The following LINC00632 variants were observed in gnomAD, a reference collection of about 807,000 sequenced individuals.
The protein encoded by LINC00632 is ALDOA related specific transcript.
At chrX:140,727,345 G>A (rs926925132) in intron 2 of LINC00632, among the ~76,000 whole-genome samples, 8 of 111,937 alleles carry the variant, frequency 7.1e-5, no homozygotes, top group African/African-American at 2.6e-4. Context: ...AGGCCGGAGC[G>A]CAGTGGCGTG....
intron 3 of LINC00632, among the ~76,000 whole-genome samples, chrX:140,760,258 C>T (rs1289242201): frequency 9.0e-6 from 1 of 111,689 alleles, no homozygotes; most frequent in African/African-American, 3.3e-5. Context: ...AATGTGACTG[C>T]CACGCCCATG....
At chrX:140,735,412 T>C (rs1931127953) in intron 3 of LINC00632, among the ~76,000 whole-genome samples, 1 of 111,738 alleles carries the variant, frequency 8.9e-6, no homozygotes, top group Non-Finnish European at 1.9e-5. Flanking sequence ...TAAAATGGCT[T>C]TCCCCAAATT....
chrX:140,767,206 G>A (rs1409628560), intron 3 of LINC00632, among the ~76,000 whole-genome samples: 1 of 111,083 alleles, frequency 9.0e-6, no homozygotes, highest in African/African-American at 3.3e-5. Flanking sequence ...ATAAATGTGT[G>A]ACCTCAGACA....
chrX:140,747,529 CA>C (rs376796176), intron 3 of LINC00632, among the ~76,000 whole-genome samples: 5,625 of 63,147 alleles, frequency 0.089, 445 homozygotes, highest in African/African-American at 0.29. Context: ...AAACTCCATC[CA>C]AAAAAAAAAA....
rs771538958 is a variant in LINC00632 at position 140,788,531 on chromosome X, CAT to C, written n.16551_16552del. ...TGCTCTCGAAATGTTCTATTTTGAA[CAT>C]GTGTTATTTTCAAAATTAAAATATA... On this transcript the variant is annotated non_coding_transcript_exon_variant, in exon 5 of 5. Coordinates refer to ENST00000648200, the Ensembl canonical transcript of LINC00632. Among the ~76,000 whole-genome samples, 543 of 109,293 alleles carry C rather than the reference CAT, an allele frequency of 5.0e-3. 1 individual carries two copies. Among genetic ancestry groups the C allele is most frequent in the Middle Eastern group, 0.024 (5 of 209 alleles). The allele number at this position is 109,293 out of a possible 115,157, so 94.9% of individuals were successfully genotyped here.
chrX:140,738,988 A>C (rs1931185808), intron 3 of LINC00632, among the ~76,000 whole-genome samples: 1 of 111,541 alleles, frequency 9.0e-6, no homozygotes, highest in Non-Finnish European at 1.9e-5. Context: ...GCCTTTTACT[A>C]GTTTTTGGGT....
At chrX:140,753,565 T>A (rs146755285) in intron 3 of LINC00632, among the ~76,000 whole-genome samples, 1,497 of 110,350 alleles carry the variant, frequency 0.014, 24 homozygotes, top group African/African-American at 0.046. Context: ...TTCCAAGACT[T>A]CTTCTGAAAA....
chrX:140,777,882 C>T (rs1196346092), exon 5 of LINC00632, among the ~76,000 whole-genome samples: 4 of 112,030 alleles, frequency 3.6e-5, no homozygotes, highest in Non-Finnish European at 7.5e-5. Flanking sequence ...TAAACTTTTT[C>T]ATAGAGACCA....
At chrX:140,766,914 CTT>C (rs772045349) in intron 3 of LINC00632, among the ~76,000 whole-genome samples, 1 of 93,651 alleles carries the variant, frequency 1.1e-5, no homozygotes, top group Admixed American at 1.2e-4. Context: ...ATTGTAGAAA[CTT>C]AGACTCACAT....
intron 1 of LINC00632, chrX:140,711,605 G>T: frequency 3.2e-6 from 1 of 314,562 alleles, no homozygotes; most frequent in Admixed American, 3.7e-5. Context: ...GTGCTTTTCT[G>T]GTTTTTTCTC....
At chrX:140,757,764 A>G (rs906940246) in intron 3 of LINC00632, among the ~76,000 whole-genome samples, 17 of 111,064 alleles carry the variant, frequency 1.5e-4, no homozygotes, top group Non-Finnish European at 3.8e-5. Context: ...ACAGGGTTTC[A>G]CCATATGGGC....
intron 3 of LINC00632, among the ~76,000 whole-genome samples, chrX:140,754,731 A>G (rs1333891563): frequency 9.1e-6 from 1 of 109,964 alleles, no homozygotes; most frequent in African/African-American, 3.3e-5. Flanking sequence ...TGGACTCCTA[A>G]TATATTGAAG....
At chrX:140,715,487 C>T (rs1025520515) in intron 2 of LINC00632, among the ~76,000 whole-genome samples, 49 of 109,807 alleles carry the variant, frequency 4.5e-4, no homozygotes, top group African/African-American at 1.5e-3. Flanking sequence ...CCCAGCTACT[C>T]GGGAGGCTGA....
exon 5 of LINC00632, chrX:140,784,745 C>T (rs1931991823): frequency 1.1e-5 from 2 of 190,277 alleles, no homozygotes; most frequent in Non-Finnish European, 2.1e-5. Context: ...CTGTCTGAGC[C>T]TTCCCATGTT....
At chrX:140,710,576 A>G (rs1200843912) in intron 1 of LINC00632, among the ~76,000 whole-genome samples, 1 of 110,163 alleles carries the variant, frequency 9.1e-6, no homozygotes, top group African/African-American at 3.3e-5. Context: ...TTATCAACGA[A>G]GCTTTAATGT....
chrX:140,776,543 C>T (rs1490963895), exon 5 of LINC00632, among the ~76,000 whole-genome samples: 2 of 112,995 alleles, frequency 1.8e-5, no homozygotes, highest in Admixed American at 9.3e-5. Flanking sequence ...CCCAAGCCCG[C>T]GCGTGACCAC....
chrX:140,785,528 C>T (rs1437061985), exon 5 of LINC00632, among the ~76,000 whole-genome samples: 3 of 112,136 alleles, frequency 2.7e-5, no homozygotes, highest in Non-Finnish European at 5.6e-5. Context: ...TGATTGCTTC[C>T]ACATTTTGTG....
intron 2 of LINC00632, among the ~76,000 whole-genome samples, chrX:140,718,727 G>A (rs962126987): frequency 3.6e-5 from 4 of 111,621 alleles, no homozygotes; most frequent in African/African-American, 6.5e-5. Context: ...TACCTATTCC[G>A]TAACGCCTAG....
intron 2 of LINC00632, among the ~76,000 whole-genome samples, chrX:140,722,706 G>A (rs1206577773): frequency 1.8e-5 from 2 of 110,709 alleles, no homozygotes; most frequent in Non-Finnish European, 3.8e-5. Flanking sequence ...ACTCGCCCCC[G>A]CAACTCATGA....
Sources: allele counts gnomAD v4.1 joint callset (sites outside exome capture counted in the v4.1 genomes callset), GRCh38; gene constraint gnomAD v4.1.1; transcripts MANE v1.5; gene names NCBI Gene and HGNC (gene_info 2026-07-23, HGNC 2026-07-21).